BNC2: variants seen among roughly 807,000 people sequenced by gnomAD.
BNC2 encodes zinc finger protein basonuclin-2.
A neutral mutation model predicts 76.3 loss-of-function variants in BNC2; 20 were observed. That is an observed-to-expected ratio of 0.26 (90% CI 0.18 to 0.38). BNC2 has a LOEUF of 0.38. Among genes scored for constraint, BNC2 ranks in the 10% least tolerant of loss-of-function variants. BNC2 has a pLI of 1.00. For missense variants in BNC2, 1,382 were observed against 1,399.8 expected, an observed-to-expected ratio of 0.99 and a Z score of 0.20; for synonymous variants, 582 against 514.8, an observed-to-expected ratio of 1.13 and a Z score of -1.77.
intron 6 of BNC2, among the ~76,000 whole-genome samples, chr9:16,425,816 T>C (rs1820794197): frequency 6.6e-6 from 1 of 152,178 alleles, no homozygotes; most frequent in Admixed American, 6.5e-5. Context: ...GTGGAATGCA[T>C]AAAAAATGTT....
At chr9:16,678,708 T>C (rs1338112781) in intron 3 of BNC2, among the ~76,000 whole-genome samples, 1 of 151,876 alleles carries the variant, frequency 6.6e-6, no homozygotes, top group African/African-American at 2.4e-5. Flanking sequence ...CTTTGAAAGC[T>C]TCACTTGTGT....
intron 3 of BNC2, among the ~76,000 whole-genome samples, chr9:16,725,249 A>ACACG (rs1824278129): frequency 6.7e-6 from 1 of 149,530 alleles, no homozygotes; most frequent in South Asian, 2.1e-4. Context: ...ACACACACAC[A>ACACG]CGTGCTGAAT....
chr9:16,756,990 CAAAAA>C lies in BNC2; in HGVS notation c.4-18510_4-18506del, dbSNP rs66931262. Among the ~76,000 whole-genome samples the C allele has an allele frequency of 3.3e-3, 440 of 133,518 alleles. 1 individual carries two copies. Among genetic ancestry groups the C allele is most frequent in the Admixed American group, 8.0e-3 (108 of 13,492 alleles). The allele number at this position is 133,518 out of a possible 152,430, so 87.6% of individuals were successfully genotyped here. On this transcript the variant is annotated intron_variant, in intron 1 of 6. Coordinates refer to ENST00000380672, the MANE Select transcript of BNC2 (RefSeq NM_017637.6). ...TGGGCAACACAGCGAGACTCTGTCTCAAAAAAAAAAAAAAAAAAATAGACCCAAGA... is the reference window on the plus strand; with the variant it reads ...TGGGCAACACAGCGAGACTCTGTCTCAAAAAAAAAAAAAATAGACCCAAGA...
At chr9:16,675,302 G>C (rs1397764625) in intron 3 of BNC2, among the ~76,000 whole-genome samples, 1 of 151,864 alleles carries the variant, frequency 6.6e-6, no homozygotes, top group Non-Finnish European at 1.5e-5. Flanking sequence ...GGAGTTCAGT[G>C]GTGCTGTCGT....
At chr9:16,601,539 G>C (rs1365072485) in intron 3 of BNC2, among the ~76,000 whole-genome samples, 1 of 152,184 alleles carries the variant, frequency 6.6e-6, no homozygotes, top group Non-Finnish European at 1.5e-5. Flanking sequence ...GCTTTTCCAA[G>C]ATTTGAAAGC....
intron 5 of BNC2, among the ~76,000 whole-genome samples, chr9:16,475,643 T>A (rs113209563): frequency 6.6e-6 from 1 of 152,204 alleles, no homozygotes; most frequent in African/African-American, 2.4e-5. Context: ...TCTAATCCAC[T>A]AGAAATTAAT....
chr9:16,685,804 A>C lies in BNC2; in HGVS notation c.330+41993T>G, dbSNP rs147183931. Among the ~76,000 whole-genome samples, 266 of 152,362 alleles carry C rather than the reference A, an allele frequency of 1.7e-3. 2 individuals carry two copies. The highest frequency in any genetic ancestry group is 0.017 in the Middle Eastern group (5 of 294). The stretch of plus-strand genomic sequence containing the variant: ...AAATATATAGTGAATACCATGTAAC[A>C]AAGTTTATTAACTACCAGAAGGTAA... On this transcript the variant is annotated intron_variant, in intron 3 of 6. Transcript: ENST00000380672.
chr9:16,533,324 A>G (rs1818037123), intron 5 of BNC2, among the ~76,000 whole-genome samples: 2 of 152,218 alleles, frequency 1.3e-5, no homozygotes, highest in Non-Finnish European at 1.5e-5. Flanking sequence ...CAGGTTTTTA[A>G]TGCCTAGATT....
chr9:16,587,259 G>T (rs1819798713), intron 3 of BNC2, among the ~76,000 whole-genome samples: 1 of 150,256 alleles, frequency 6.7e-6, no homozygotes, highest in African/African-American at 2.5e-5. Flanking sequence ...TGTCACCCAG[G>T]CTGGAGTACA....
At chr9:16,751,307 C>T (rs1825187142) in intron 1 of BNC2, among the ~76,000 whole-genome samples, 1 of 150,310 alleles carries the variant, frequency 6.7e-6, no homozygotes, top group South Asian at 2.1e-4. Context: ...CACTGGAGTA[C>T]TGGATGAGTA....
At chr9:16,672,102 G>C (rs937841164) in intron 3 of BNC2, among the ~76,000 whole-genome samples, 17 of 152,190 alleles carry the variant, frequency 1.1e-4, no homozygotes, top group Non-Finnish European at 2.2e-4. Context: ...TGGCATCACA[G>C]ATAATCACAG....
At chr9:16,848,293 T>C (rs1236097263) in intron 1 of BNC2, among the ~76,000 whole-genome samples, 1 of 152,162 alleles carries the variant, frequency 6.6e-6, no homozygotes, top group African/African-American at 2.4e-5. Context: ...TGAAATTCCA[T>C]CGATGAAGTC....
chr9:16,572,185 A>C (rs1295786028), intron 4 of BNC2, among the ~76,000 whole-genome samples: 2 of 152,222 alleles, frequency 1.3e-5, no homozygotes, highest in Non-Finnish European at 2.9e-5. Context: ...AAACAAAAAC[A>C]CCAACATCTG....
chr9:16,506,235 T>C (rs531875323), intron 5 of BNC2, among the ~76,000 whole-genome samples: 1 of 152,246 alleles, frequency 6.6e-6, no homozygotes, highest in South Asian at 2.1e-4. Flanking sequence ...TTTAGAAAAG[T>C]CACAAAAATA....
rs1817840575 is a variant in BNC2 at position 16,415,681 on chromosome 9, ACACT to A, written c.*3304_*3307del. On this transcript the variant is annotated 3_prime_UTR_variant, in exon 7 of 7. Transcript: ENST00000380672. ...AGAATTCTAGTTAAGTCAAAACAAG[ACACT>A]CAGGCACACACTCAAGAACGAGCAA... 1 of 152,202 alleles carries A rather than the reference ACACT, an allele frequency of 6.6e-6. No individual in the cohort carries two copies. The highest frequency in any genetic ancestry group is 2.4e-5 in the African/African-American group (1 of 41,452). 9.4% of individuals were successfully genotyped at this position (152,202 alleles called of 1,614,324 possible). A position where few individuals can be genotyped will look rare whatever the true frequency, so the allele number is the denominator to read the frequency against.
intron 1 of BNC2, among the ~76,000 whole-genome samples, chr9:16,787,136 G>C (rs1414046851): frequency 6.6e-6 from 1 of 152,146 alleles, no homozygotes; most frequent in South Asian, 2.1e-4. Flanking sequence ...GCCTACTTCA[G>C]CAACATCTCT....
intron 5 of BNC2, among the ~76,000 whole-genome samples, chr9:16,525,592 G>A (rs1024886936): frequency 1.3e-5 from 2 of 152,098 alleles, no homozygotes; most frequent in Non-Finnish European, 2.9e-5. Flanking sequence ...TCAAAAATAT[G>A]TTTCATCACC....
chr9:16,691,501 GTTCTTTTTT>G (rs1823162713), intron 3 of BNC2, among the ~76,000 whole-genome samples: 1 of 95,298 alleles, frequency 1.0e-5, no homozygotes, highest in Non-Finnish European at 2.0e-5. Flanking sequence ...ATGGGTATGG[GTTCTTTTTT>G]TTTTTTTTTT....
chr9:16,660,571 G>C (rs750618686), intron 3 of BNC2, among the ~76,000 whole-genome samples: 1 of 151,956 alleles, frequency 6.6e-6, no homozygotes, highest in Non-Finnish European at 1.5e-5. Context: ...ACTATAATTA[G>C]CCTTCACAAA....
Sources: gnomAD v4.1 joint callset for allele counts (sites outside exome capture counted in the v4.1 genomes callset) on GRCh38, gnomAD v4.1.1 for gene constraint, MANE v1.5 for transcripts, NCBI Gene and HGNC (gene_info 2026-07-23, HGNC 2026-07-21) for gene names.